The following PDE3B variants were observed in gnomAD, a reference collection of about 807,000 sequenced individuals.
The protein encoded by PDE3B is phosphodiesterase 3B.
In PDE3B, 66 loss-of-function variants were observed where a neutral mutation model predicts 116.8. That is an observed-to-expected ratio of 0.56 (90% CI 0.46 to 0.69). The LOEUF (loss-of-function observed/expected upper bound fraction) is 0.69. PDE3B is among the 30% of genes least tolerant of loss of function. PDE3B has a pLI of 0.00. For missense variants in PDE3B, 1,384 were observed against 1,368.1 expected (o/e 1.01, Z -0.18); for synonymous variants, 595 against 533.6 (o/e 1.12, Z -1.59).
At position 14,645,017 on chromosome 11, in the gene PDE3B, C is replaced by G; in HGVS notation, c.942C>G (p.Phe314Leu). The G allele has an allele frequency of 6.2e-7, 1 of 1,612,606 alleles. No individual in the cohort carries two copies. The highest frequency in any genetic ancestry group is 8.5e-7 in the Non-Finnish European group (1 of 1,179,470). ...AASYYGSCKI[F>L]RRPSLPCISR... Reference sequence around the variant, plus strand: ...GTTACTATGGCAGTTGCAAAATATTCAGGAGACCGTCGTTGCCTTGTATTT... The same window carrying G: ...GTTACTATGGCAGTTGCAAAATATTGAGGAGACCGTCGTTGCCTTGTATTT... Residue 314 changes from phenylalanine (F) to leucine (L), a missense_variant, in exon 1 of 16, where the codon TTC becomes TTG. Physicochemically the swap from Phe to Leu is conservative, Grantham distance 22. Coordinates refer to ENST00000282096, the MANE Select transcript of PDE3B (RefSeq NM_000922.4).
In PDE3B at chr11:14,799,268, C is replaced by G. The variant is rs140758063; in HGVS notation, c.1416-4676C>G. On this transcript the variant is annotated intron_variant, in intron 4 of 15. Coordinates refer to ENST00000282096, the MANE Select transcript of PDE3B (RefSeq NM_000922.4). The stretch of plus-strand genomic sequence containing the variant: ...CGAGTGAGTTTCCTAATCCTGAGTT[C>G]TAATTTGATTGCACTGTGGTCTGAG... Among the ~76,000 whole-genome samples the G allele has an allele frequency of 3.6e-3, 551 of 152,264 alleles. 6 individuals carry two copies. The highest frequency in any genetic ancestry group is 5.0e-3 in the Non-Finnish European group (339 of 68,014).
chr11:14,894,378 G>C, the PDE3B span, among the ~76,000 whole-genome samples: 2 of 152,098 alleles, frequency 1.3e-5, no homozygotes, highest in East Asian at 3.8e-4. Context: ...ATCACCTATG[G>C]GATGCCTGAG....
Position 14,870,762 on chromosome 11 carries a change from GCC to G in PDE3B, c.*1103_*1104del, listed in dbSNP as rs1848129242. On this transcript the variant is annotated 3_prime_UTR_variant, in exon 16 of 16. Coordinates refer to ENST00000282096, the MANE Select transcript of PDE3B (RefSeq NM_000922.4). This position sits in a 1 kb window ranked among gnomAD's most constrained non-coding sequence, Gnocchi z 4.1. The stretch of plus-strand genomic sequence containing the variant: ...CCTATCACTACTTATTATTTCTGAA[GCC>G]TAACTGCAAGACTGATTTCTGAGAA... 2 of 152,088 alleles carry G rather than the reference GCC, an allele frequency of 1.3e-5. No homozygotes were observed. The highest frequency in any genetic ancestry group is 4.8e-5 in the African/African-American group (2 of 41,408). The allele number at this position is 152,088 out of a possible 1,614,324, so 9.4% of individuals were successfully genotyped here.
chr11:14,890,562 T>G, the PDE3B span: 1 of 476,608 alleles, frequency 2.1e-6, no homozygotes, highest in South Asian at 9.1e-5. Context: ...TTTTTTTTTT[T>G]TTGAGACGGA....
intron 1 of PDE3B, among the ~76,000 whole-genome samples, chr11:14,737,984 T>C (rs1166861997): frequency 9.2e-5 from 14 of 152,310 alleles, no homozygotes; most frequent in African/African-American, 2.9e-4. Flanking sequence ...TTCCATGGTG[T>C]ATATGTGCCA....
At chr11:14,743,869 G>T (rs1434062549) in intron 1 of PDE3B, among the ~76,000 whole-genome samples, 2 of 152,164 alleles carry the variant, frequency 1.3e-5, no homozygotes, top group African/African-American at 2.4e-5. Flanking sequence ...CCCTGCATCT[G>T]CTCGCCCTCT....
chr11:14,879,883 C>A, the PDE3B span, among the ~76,000 whole-genome samples: 2 of 152,116 alleles, frequency 1.3e-5, no homozygotes, highest in Admixed American at 6.6e-5. Context: ...GATTCCAGCT[C>A]TGCCACTTGC....
chr11:14,853,645 C>T (rs1320519149), intron 12 of PDE3B, among the ~76,000 whole-genome samples: 1 of 152,204 alleles, frequency 6.6e-6, no homozygotes, highest in African/African-American at 2.4e-5. Context: ...GTAATATAGA[C>T]AGTAGCATAT....
At chr11:14,697,784 C>T (rs1420902409) in intron 1 of PDE3B, among the ~76,000 whole-genome samples, 1 of 151,732 alleles carries the variant, frequency 6.6e-6, no homozygotes, top group East Asian at 1.9e-4. Flanking sequence ...TTGTAGATGT[C>T]TTTATTCATT....
At chr11:14,792,532 GAAGA>G (rs1858419867) in intron 4 of PDE3B, among the ~76,000 whole-genome samples, 2 of 152,056 alleles carry the variant, frequency 1.3e-5, no homozygotes, top group South Asian at 4.1e-4. Flanking sequence ...AAAATAATCA[GAAGA>G]AAGAAAACCA....
chr11:14,715,286 A>G lies in PDE3B; in HGVS notation c.979-56651A>G, dbSNP rs189876949. Among the ~76,000 whole-genome samples, 38 of 152,260 alleles carry G rather than the reference A, an allele frequency of 2.5e-4. No homozygotes were observed. In the East Asian group the frequency reaches 6.6e-3, roughly 26 times the overall value. On this transcript the variant is annotated intron_variant, in intron 1 of 15. Coordinates refer to ENST00000282096, the MANE Select transcript of PDE3B (RefSeq NM_000922.4). Reference sequence around the variant, plus strand: ...ATGAACTTTAAAGTAGTTTTTTCCAATTCTGTGAAGAAAGTCATTGGTAGC... The same window carrying G: ...ATGAACTTTAAAGTAGTTTTTTCCAGTTCTGTGAAGAAAGTCATTGGTAGC...
At chr11:14,834,232 A>C (rs2095230896) in intron 10 of PDE3B, among the ~76,000 whole-genome samples, 1 of 152,182 alleles carries the variant, frequency 6.6e-6, no homozygotes, top group African/African-American at 2.4e-5. Flanking sequence ...TGAAGTGTTA[A>C]ATTTTTATTG....
chr11:14,671,945 A>G (rs1426450756), intron 1 of PDE3B, among the ~76,000 whole-genome samples: 1 of 150,600 alleles, frequency 6.6e-6, no homozygotes, highest in Non-Finnish European at 1.5e-5. Context: ...GGAGGCTAGG[A>G]ATTTGAGGCT....
chr11:14,651,968 A>G (rs530558033), intron 1 of PDE3B, among the ~76,000 whole-genome samples: 3 of 152,294 alleles, frequency 2.0e-5, no homozygotes, highest in African/African-American at 7.2e-5. Flanking sequence ...TTCAATTTTG[A>G]TGAAGTTTAT....
In PDE3B at chr11:14,869,570, A is replaced by T. The variant is rs1848108525; in HGVS notation, c.3249A>T (p.Lys1083Asn). ...TCGTAGAGGAAGAAGAAAAATGTAA[A>T]GCTGATGGGAATAAACTGCAGGTGG... Reference protein sequence around the residue: ...KEIVEEEEKCKADGNKLQVEN... With the variant: ...KEIVEEEEKCNADGNKLQVEN... Residue 1083 changes from lysine (K) to asparagine (N), a missense_variant, in exon 16 of 16, where the codon AAA becomes AAT. Lys to Asn is a moderately conservative substitution (Grantham distance 94, BLOSUM62 0). Transcript: ENST00000282096. 17 of 1,613,880 alleles carry T rather than the reference A, an allele frequency of 1.1e-5. No individual in the cohort carries two copies. In the African/African-American group the frequency reaches 2.3e-4, roughly 22 times the overall value.
At chr11:14,714,894 G>GA (rs1278367615) in intron 1 of PDE3B, among the ~76,000 whole-genome samples, 1 of 152,186 alleles carries the variant, frequency 6.6e-6, no homozygotes, top group Non-Finnish European at 1.5e-5. Flanking sequence ...CTCTGGTGTT[G>GA]AGAAGGGCTG....
chr11:14,761,693 A>G (rs1857364408), intron 1 of PDE3B, among the ~76,000 whole-genome samples: 1 of 152,064 alleles, frequency 6.6e-6, no homozygotes, highest in Non-Finnish European at 1.5e-5. Context: ...CCCAGTTTTC[A>G]TTTTTAAATC....
At chr11:14,646,571 C>T (rs934662008) in intron 1 of PDE3B, among the ~76,000 whole-genome samples, 5 of 152,088 alleles carry the variant, frequency 3.3e-5, no homozygotes, top group African/African-American at 1.2e-4. Context: ...GAATTTTGAC[C>T]AAATGTGAAC....
intron 4 of PDE3B, among the ~76,000 whole-genome samples, chr11:14,791,972 A>T (rs1258745932): frequency 6.6e-6 from 1 of 152,070 alleles, no homozygotes; most frequent in Admixed American, 6.6e-5. Context: ...TTTTTTTATT[A>T]CTGTGTTTTT....
Sources: gnomAD v4.1 joint callset for allele counts (sites outside exome capture counted in the v4.1 genomes callset) on GRCh38, gnomAD v4.1.1 for gene constraint, Gnocchi (gnomAD v3.1) non-coding constraint, MANE v1.5 for transcripts, NCBI Gene and HGNC (gene_info 2026-07-23, HGNC 2026-07-21) for gene names.